SDK1: variants seen among roughly 807,000 people sequenced by gnomAD.
SDK1 encodes protein sidekick-1.
SDK1 carries 157 observed loss-of-function variants against 245.5 expected under a neutral mutation model. The ratio of observed to expected loss-of-function variants is 0.64; its 90% CI spans 0.56 to 0.73. The LOEUF (loss-of-function observed/expected upper bound fraction) is 0.73, where lower values mean the gene tolerates loss of function less well. Ranked by LOEUF, SDK1 falls within the 30% of genes least tolerant of loss-of-function variation. The pLI is 0.00. For synonymous variants in SDK1, 1,647 were observed against 1,278.5 expected (o/e 1.29, Z -6.15); for missense variants, 3,583 against 3,002.3 (o/e 1.19, Z -4.52).
At chr7:3,659,617 G>A (rs936530691) in intron 4 of SDK1, among the ~76,000 whole-genome samples, 6 of 152,190 alleles carry the variant, frequency 3.9e-5, no homozygotes. Flanking sequence ...TTTGTCTGTG[G>A]AAACGAGTGA....
At chr7:4,104,416 G>A (rs56314749) in intron 22 of SDK1, among the ~76,000 whole-genome samples, 11,151 of 152,212 alleles carry the variant, frequency 0.073, 438 homozygotes, top group African/African-American at 0.11. Context: ...AGGTAATTGT[G>A]TTTGACTTAC....
intron 1 of SDK1, among the ~76,000 whole-genome samples, chr7:3,500,770 C>T (rs560495106): frequency 6.6e-6 from 1 of 151,916 alleles, no homozygotes; most frequent in African/African-American, 2.4e-5. Context: ...TCTAAGACTC[C>T]TGTTTGGAAG....
chr7:3,399,719 C>A (rs1027794749), intron 1 of SDK1, among the ~76,000 whole-genome samples: 7 of 152,040 alleles, frequency 4.6e-5, no homozygotes, highest in African/African-American at 1.4e-4. Flanking sequence ...GGACACAAAT[C>A]CCTTTTACTA....
chr7:3,408,638 T>G (rs1190209569), intron 1 of SDK1, among the ~76,000 whole-genome samples: 1 of 152,204 alleles, frequency 6.6e-6, no homozygotes, highest in Non-Finnish European at 1.5e-5. Context: ...ATATTCTTTT[T>G]GGGCACCTGT....
chr7:4,113,152 T>G, intron 23 of SDK1, 137 bp from the exon 24 acceptor site: 3 of 942,508 alleles, frequency 3.2e-6, no homozygotes, highest in Non-Finnish European at 4.8e-6. Context: ...GAGGGTGTCC[T>G]TGAGCAATAG....
At chr7:4,154,935 A>G (rs1305194295) in intron 30 of SDK1, among the ~76,000 whole-genome samples, 3 of 151,896 alleles carry the variant, frequency 2.0e-5, no homozygotes, top group Admixed American at 6.6e-5. Flanking sequence ...GCTCTGCCAC[A>G]GGAGGGAGCA....
At chr7:3,303,187 T>C (rs1779327131) in intron 1 of SDK1, among the ~76,000 whole-genome samples, 1 of 152,228 alleles carries the variant, frequency 6.6e-6, no homozygotes, top group Non-Finnish European at 1.5e-5. Context: ...ATTTGTGCTT[T>C]TTGCTTAATG....
intron 4 of SDK1, among the ~76,000 whole-genome samples, chr7:3,707,062 C>G (rs1330762658): frequency 6.6e-6 from 1 of 152,022 alleles, no homozygotes; most frequent in Non-Finnish European, 1.5e-5. Flanking sequence ...TCATTTTGCT[C>G]TGGATCTTTG....
rs147881796 is a variant in SDK1, at chr7:3,962,732, T to C, written c.1310T>C (p.Val437Ala). The C allele has an allele frequency of 5.5e-5, 89 of 1,613,772 alleles. 1 individual carries two copies. In the African/African-American group the frequency reaches 1.0e-3, roughly 18 times the overall value. ...AGGCTCCAGAATCCTCGATACAAAG[T>C]GCTCGCCAGCGGAGGCCTGCGCATC... ...ISRLQNPRYK[V>A]LASGGLRIQK... The change falls in exon 9 of 45, where the codon GTG (valine) becomes GCG (alanine). Residue 437 changes from valine to alanine, a missense_variant. Physicochemically the swap from Val to Ala is moderately conservative, Grantham distance 64. Coordinates refer to ENST00000404826, the MANE Select transcript of SDK1 (RefSeq NM_152744.4).
chr7:3,430,838 C>T (rs67404848), intron 1 of SDK1, among the ~76,000 whole-genome samples: 24,691 of 152,172 alleles, frequency 0.16, 3,390 homozygotes, highest in African/African-American at 0.38. Flanking sequence ...GGGCTGCCTG[C>T]AGAGCTGTGT....
intron 5 of SDK1, among the ~76,000 whole-genome samples, chr7:3,912,954 C>T (rs983306319): frequency 3.3e-5 from 5 of 152,222 alleles, no homozygotes; most frequent in Admixed American, 6.5e-5. Flanking sequence ...TCAAAGCAAC[C>T]GTGGAGGGCC....
At chr7:3,551,740 A>G (rs2128623296) in intron 1 of SDK1, among the ~76,000 whole-genome samples, 1 of 152,208 alleles carries the variant, frequency 6.6e-6, no homozygotes, top group Admixed American at 6.5e-5. Flanking sequence ...CAGCAGCACG[A>G]TCACGGCTCA....
At chr7:3,873,969 G>C (rs879486913) in intron 5 of SDK1, among the ~76,000 whole-genome samples, 6 of 152,068 alleles carry the variant, frequency 3.9e-5, no homozygotes, top group Admixed American at 6.6e-5. Flanking sequence ...TTGTCTCTTT[G>C]TGGAGTATTT....
intron 5 of SDK1, among the ~76,000 whole-genome samples, chr7:3,935,638 C>G (rs113629480): frequency 4.4e-4 from 67 of 152,306 alleles, no homozygotes; most frequent in African/African-American, 1.5e-3. Flanking sequence ...CTCAACATCA[C>G]TAATCATGAG....
chr7:4,200,328 T>A (rs1398560955), intron 35 of SDK1, among the ~76,000 whole-genome samples: 2 of 152,366 alleles, frequency 1.3e-5, no homozygotes, highest in East Asian at 3.9e-4. Flanking sequence ...GGCACCTTCC[T>A]AGAGGAGCTG....
At chr7:4,253,624 T>C (rs1787448736) in intron 44 of SDK1, among the ~76,000 whole-genome samples, 1 of 152,034 alleles carries the variant, frequency 6.6e-6, no homozygotes, top group Non-Finnish European at 1.5e-5. Context: ...TGGGGTGGAG[T>C]GTTCTGTATG....
At chr7:3,924,342 A>T (rs1779696496) in intron 5 of SDK1, among the ~76,000 whole-genome samples, 1 of 152,100 alleles carries the variant, frequency 6.6e-6, no homozygotes, top group Non-Finnish European at 1.5e-5. Flanking sequence ...TGCCCTGATG[A>T]CTTCTTGGAA....
At chr7:4,264,649 C>T (rs573054771) in intron 44 of SDK1, among the ~76,000 whole-genome samples, 97 of 150,428 alleles carry the variant, frequency 6.4e-4, no homozygotes, top group African/African-American at 2.1e-3. Context: ...TAAGGAAGGC[C>T]GTGTAGACCT....
chr7:3,996,859 CATAGTAATGTCT>C (rs1237930331), intron 14 of SDK1, among the ~76,000 whole-genome samples: 1 of 152,060 alleles, frequency 6.6e-6, no homozygotes, highest in Non-Finnish European at 1.5e-5. Flanking sequence ...AAATAATTGG[CATAGTAATGTCT>C]CTTGTGTTTT....
Sources: allele counts gnomAD v4.1 joint callset (sites outside exome capture counted in the v4.1 genomes callset), GRCh38; gene constraint gnomAD v4.1.1; transcripts MANE v1.5; gene names NCBI Gene and HGNC (gene_info 2026-07-23, HGNC 2026-07-21).